The following AP2A2 variants were observed in gnomAD, a reference collection of about 807,000 sequenced individuals.
The protein encoded by AP2A2 is AP-2 complex subunit alpha-2.
A neutral mutation model predicts 104.2 loss-of-function variants in AP2A2; 32 were observed. The ratio of observed to expected loss-of-function variants is 0.31; its 90% CI spans 0.23 to 0.41. The LOEUF (loss-of-function observed/expected upper bound fraction) is 0.41. AP2A2 is among the 10% of genes least tolerant of loss of function. The pLI is 1.00. For synonymous variants in AP2A2, 539 were observed against 533.3 expected, an observed-to-expected ratio of 1.01 and a Z score of -0.15; for missense variants, 912 against 1,261.0, an observed-to-expected ratio of 0.72 and a Z score of 4.19.
At chr11:944,850 A>T (rs1853780165) in intron 1 of AP2A2, among the ~76,000 whole-genome samples, 1 of 125,334 alleles carries the variant, frequency 8.0e-6, no homozygotes, top group South Asian at 2.9e-4. Flanking sequence ...TAGGACAGCA[A>T]TCCTGGGTGG....
At chr11:1,009,000 C>T in intron 18 of AP2A2, 100 bp from the exon 19 acceptor site, 1 of 950,706 alleles carries the variant, frequency 1.1e-6, no homozygotes. Flanking sequence ...TGGTGGGTGG[C>T]AGTAGATCGG....
At chr11:989,387 C>T (rs1345855458) in intron 10 of AP2A2, among the ~76,000 whole-genome samples, 1 of 152,064 alleles carries the variant, frequency 6.6e-6, no homozygotes, top group African/African-American at 2.4e-5. Flanking sequence ...GCCTGCCTGT[C>T]CTTGCAGTGG....
At chr11:937,604 C>T (rs1853501665) in intron 1 of AP2A2, among the ~76,000 whole-genome samples, 1 of 152,156 alleles carries the variant, frequency 6.6e-6, no homozygotes, top group Admixed American at 6.5e-5. Context: ...GACCCTGTCT[C>T]AAAACACCAC....
chr11:926,932 CTT>C (rs1436009283), intron 1 of AP2A2, among the ~76,000 whole-genome samples: 1 of 152,228 alleles, frequency 6.6e-6, no homozygotes, highest in Non-Finnish European at 1.5e-5. Flanking sequence ...ATTAATTTGA[CTT>C]TGGTGTGCAG....
intron 1 of AP2A2, among the ~76,000 whole-genome samples, chr11:930,096 G>C (rs1020653322): frequency 6.7e-6 from 1 of 148,612 alleles, no homozygotes; most frequent in African/African-American, 2.5e-5. Context: ...ACTCCAGCCT[G>C]GGTGACAGAG....
chr11:1,000,970 A>G (rs1335418486), intron 15 of AP2A2, among the ~76,000 whole-genome samples: 1 of 151,984 alleles, frequency 6.6e-6, no homozygotes, highest in African/African-American at 2.4e-5. Flanking sequence ...TTTCCTGTCT[A>G]GTTGGGCTGC....
At chr11:970,660 C>T (rs968765231) in intron 3 of AP2A2, among the ~76,000 whole-genome samples, 3 of 152,262 alleles carry the variant, frequency 2.0e-5, no homozygotes, top group Non-Finnish European at 4.4e-5. Context: ...TGGAGAGTGC[C>T]GCACGCGGCC....
In AP2A2 at chr11:927,148, C is replaced by T. The variant is rs116472979; in HGVS notation, c.67+1060C>T. On this transcript the variant is annotated intron_variant, in intron 1 of 21. Coordinates refer to ENST00000448903, the MANE Select transcript of AP2A2 (RefSeq NM_012305.4). ...GTAGTTCCATCACGGCGCACTCAAC[C>T]TCCCACCTCAAGTGATCCTACCACC... Among the ~76,000 whole-genome samples, 386 of 152,248 alleles carry T rather than the reference C, an allele frequency of 2.5e-3. 3 individuals carry two copies. Among genetic ancestry groups the T allele is most frequent in the African/African-American group, 9.1e-3 (376 of 41,536 alleles).
chr11:950,295 G>A (rs1196190823), intron 1 of AP2A2, among the ~76,000 whole-genome samples: 1 of 150,172 alleles, frequency 6.7e-6, no homozygotes, highest in African/African-American at 2.4e-5. Flanking sequence ...GTAAGTTTCT[G>A]TGACTTTGGA....
rs1377285797 is a variant in AP2A2 at position 968,415 on chromosome 11, TCCGTCTCCGCCCCTGTTCCCATCC to T, written c.137-1745_137-1722del. Among the ~76,000 whole-genome samples, 3 of 151,984 alleles carry T rather than the reference TCCGTCTCCGCCCCTGTTCCCATCC, an allele frequency of 2.0e-5. No individual in the cohort carries two copies. Among genetic ancestry groups the T allele is most frequent in the African/African-American group, 7.2e-5 (3 of 41,380 alleles). On this transcript the variant is annotated intron_variant, in intron 2 of 21. Transcript: ENST00000448903. The surrounding 1 kb of genome is among the most constrained non-coding windows in gnomAD (Gnocchi z 4.2). ...CGGCTCCTCTCGGAGAGAGCCTGTC[TCCGTCTCCGCCCCTGTTCCCATCC>T]CCGTCTCCATCCCCGTCCCCATCCC...
intron 1 of AP2A2, chr11:932,658 C>T (rs1564777972): frequency 2.2e-6 from 1 of 455,538 alleles, no homozygotes; most frequent in Non-Finnish European, 4.4e-6. Flanking sequence ...GTCATGGTGG[C>T]TATGGAGAGA....
chr11:993,504 A>G lies in AP2A2; in HGVS notation c.1550+123A>G, dbSNP rs1297540270. 3.4e-5 allele frequency: 25 copies of G among 733,284 alleles called. No homozygotes were observed. Among genetic ancestry groups the G allele is most frequent in the East Asian group, 3.2e-4 (11 of 34,780 alleles). The allele number at this position is 733,284 out of a possible 1,614,324, so 45.4% of individuals were successfully genotyped here. On this transcript the variant is annotated intron_variant, in intron 12 of 21. Coordinates refer to ENST00000448903, the MANE Select transcript of AP2A2 (RefSeq NM_012305.4). The surrounding 1 kb of genome is among the most constrained non-coding windows in gnomAD (Gnocchi z 8.2). ...CCTCGCAGAGCCGCTTCTGCTCCCCATCGGCGTCTTTTTGTTTTCCTTCAG... is the reference window on the plus strand; with the variant it reads ...CCTCGCAGAGCCGCTTCTGCTCCCCGTCGGCGTCTTTTTGTTTTCCTTCAG...
chr11:1,003,169 T>C (rs1216644181), intron 15 of AP2A2, among the ~76,000 whole-genome samples: 2 of 150,788 alleles, frequency 1.3e-5, no homozygotes, highest in African/African-American at 4.9e-5. Context: ...AGCAAAACCC[T>C]GGGCTCCCTG....
intron 2 of AP2A2, among the ~76,000 whole-genome samples, chr11:962,994 A>G (rs191329434): frequency 7.7e-4 from 118 of 152,304 alleles, no homozygotes; most frequent in South Asian, 1.2e-3. Context: ...GTGCTGTCCA[A>G]TTTAGAAATA....
intron 1 of AP2A2, among the ~76,000 whole-genome samples, chr11:930,613 C>T (rs909209909): frequency 3.3e-5 from 5 of 152,034 alleles, no homozygotes; most frequent in African/African-American, 4.8e-5. Context: ...CTCCGCCTCC[C>T]GGGTTCACAC....
chr11:986,878 G>T lies in AP2A2; in HGVS notation c.1056G>T (p.Met352Ile). The T allele has an allele frequency of 6.2e-7, 1 of 1,609,446 alleles. No homozygotes were observed. The highest frequency in any genetic ancestry group is 1.1e-5 in the South Asian group (1 of 89,798). ...TNLRYLALESMCTLASSEFSH... is the reference protein window; with the variant it reads ...TNLRYLALESICTLASSEFSH... Reference sequence around the variant, plus strand: ...TGCGCTACCTGGCCCTGGAGAGCATGTGCACGCTGGCCAGCTCTGAGTTCT... The same window carrying T: ...TGCGCTACCTGGCCCTGGAGAGCATTTGCACGCTGGCCAGCTCTGAGTTCT... Residue 352 changes from methionine (M) to isoleucine (I), a missense_variant, in exon 9 of 22, where the codon ATG becomes ATT. This residue lies in a region of AP2A2 where 350 missense variants were observed against 487.0 expected (regional missense o/e 0.72). Transcript: ENST00000448903.
At position 987,214 on chromosome 11, in the gene AP2A2, C is replaced by T. The variant is rs893298715; in HGVS notation, c.1131+261C>T. ...CTGGCAGCCCTTTCCCTGCTGGGGG[C>T]AGCCCCCGTGTGCCATCCTGCGCGT... On this transcript the variant is annotated intron_variant, in intron 9 of 21. Transcript: ENST00000448903. Among the ~76,000 whole-genome samples the T allele has an allele frequency of 3.3e-5, 5 of 152,250 alleles. No homozygotes were observed. The East Asian group carries it at 9.6e-4, about 29-fold the overall frequency.
In AP2A2 at chr11:981,239, A is replaced by C; in HGVS notation, c.645A>C (p.Ala215=). The C allele has an allele frequency of 1.2e-6, 2 of 1,613,714 alleles. No homozygotes were observed. The highest frequency in any genetic ancestry group is 1.7e-6 in the Non-Finnish European group (2 of 1,179,816). The change falls in exon 6 of 22, where the codon GCA becomes GCC. Residue 215 remains alanine, a synonymous_variant. Transcript: ENST00000448903. ...CCACAAGTCTGATCACCACTTTAGC[A>C]CAGAAGAACCCAGAAGAGTTTAAAA... is the stretch of plus-strand genomic sequence containing the variant. ...TAATSLITTL[A]QKNPEEFKTS... is the part of the protein sequence containing the mutation.
chr11:968,892 C>T lies in AP2A2; in HGVS notation c.137-1277C>T, dbSNP rs1227629849. On this transcript the variant is annotated intron_variant, in intron 2 of 21. Coordinates refer to ENST00000448903, the MANE Select transcript of AP2A2 (RefSeq NM_012305.4). The surrounding 1 kb of genome is among the most constrained non-coding windows in gnomAD (Gnocchi z 4.2). ...CAAGGAGGGGGGTTTCTCATGAGCTCCTCAGAGTGCAGCATGCAGCTGACT... is the reference window on the plus strand; with the variant it reads ...CAAGGAGGGGGGTTTCTCATGAGCTTCTCAGAGTGCAGCATGCAGCTGACT... Among the ~76,000 whole-genome samples the T allele has an allele frequency of 1.3e-5, 2 of 152,182 alleles. No homozygotes were observed. The highest frequency in any genetic ancestry group is 4.8e-5 in the African/African-American group (2 of 41,444).
Sources: allele counts gnomAD v4.1 joint callset (sites outside exome capture counted in the v4.1 genomes callset), GRCh38; gene constraint gnomAD v4.1.1; regional missense constraint gnomAD v4.1.1; non-coding constraint Gnocchi (gnomAD v3.1); transcripts MANE v1.5; gene names NCBI Gene and HGNC (gene_info 2026-07-23, HGNC 2026-07-21).